SEMA5A: variants seen among roughly 807,000 people sequenced by gnomAD.
The protein encoded by SEMA5A is semaphorin-5A.
Under a neutral mutation model 135.5 loss-of-function variants are expected in SEMA5A, and 55 were observed. The observed-to-expected ratio is 0.41, with a 90% confidence interval of 0.33 to 0.51. SEMA5A has a LOEUF of 0.51. Among genes scored for constraint, SEMA5A ranks in the 20% least tolerant of loss-of-function variants. SEMA5A has a pLI of 0.37. For missense variants in SEMA5A, 1,290 were observed against 1,419.9 expected (o/e 0.91, Z 1.47); for synonymous variants, 580 against 546.5 (o/e 1.06, Z -0.85).
At chr5:9,217,090 T>C (rs1746672201) in intron 8 of SEMA5A, among the ~76,000 whole-genome samples, 1 of 152,208 alleles carries the variant, frequency 6.6e-6, no homozygotes, top group African/African-American at 2.4e-5. Flanking sequence ...GCTGCGTGTT[T>C]AAGGGTGGTT....
chr5:9,206,854 A>C (rs189134708), intron 8 of SEMA5A, among the ~76,000 whole-genome samples: 211 of 150,910 alleles, frequency 1.4e-3, no homozygotes, highest in Non-Finnish European at 1.7e-3. Context: ...CTGTTGTTGC[A>C]TCTGACAATC....
intron 1 of SEMA5A, among the ~76,000 whole-genome samples, chr5:9,488,058 C>T (rs889791309): frequency 2.4e-4 from 36 of 152,210 alleles, no homozygotes; most frequent in South Asian, 6.2e-4. Context: ...TTAAATCATA[C>T]GGGGATAGCT....
chr5:9,224,000 T>C (rs1056754831), intron 8 of SEMA5A, among the ~76,000 whole-genome samples: 2 of 152,284 alleles, frequency 1.3e-5, no homozygotes. Context: ...GGGATGTGGC[T>C]CTTCTTCGAG....
At chr5:9,443,344 G>A (rs1269221478) in intron 1 of SEMA5A, among the ~76,000 whole-genome samples, 1 of 152,122 alleles carries the variant, frequency 6.6e-6, no homozygotes, top group African/African-American at 2.4e-5. Flanking sequence ...AGCAGAGAGA[G>A]GGGAGAGGGG....
chr5:9,224,736 T>G lies in SEMA5A; in HGVS notation c.584A>C (p.Tyr195Ser). The G allele has an allele frequency of 6.2e-7, 1 of 1,614,050 alleles. No homozygotes were observed. The highest frequency in any genetic ancestry group is 8.5e-7 in the Non-Finnish European group (1 of 1,179,992). The change falls in exon 8 of 23, where the codon TAC becomes TCC. Residue 195 changes from tyrosine to serine, a missense_variant. By Grantham distance (144) the Tyr-to-Ser change is moderately radical. Around this residue, in one of 3 missense-constraint regions of SEMA5A, gnomAD observed 145 missense variants for 212.0 expected, o/e 0.68. Transcript: ENST00000382496. ...MDFPGRDPAI[Y>S]RSLGILPPLR... ...AGGAGGTAAAATGCCTAGGCTTCGG[T>G]AAATGGCAGGATCACGTCCTGGAAA...
chr5:9,519,317 T>C (rs569244825), intron 1 of SEMA5A, among the ~76,000 whole-genome samples: 2 of 152,358 alleles, frequency 1.3e-5, no homozygotes, highest in African/African-American at 2.4e-5. Context: ...ACATTGTTGA[T>C]GGATTGACCA....
chr5:9,413,824 C>A (rs1357739537), intron 2 of SEMA5A, among the ~76,000 whole-genome samples: 3 of 152,172 alleles, frequency 2.0e-5, no homozygotes, highest in African/African-American at 7.2e-5. Context: ...TAATAATGTA[C>A]ATGTTTCTGA....
intron 8 of SEMA5A, among the ~76,000 whole-genome samples, chr5:9,221,357 C>T (rs1351511241): frequency 1.5e-5 from 2 of 134,742 alleles, no homozygotes; most frequent in East Asian, 2.2e-4. Flanking sequence ...GGCTGGAGTG[C>T]AGTGGCGCGA....
rs138866488 is a variant in SEMA5A, at chr5:9,214,240, G to A, written c.646+10434C>T. On this transcript the variant is annotated intron_variant, in intron 8 of 22. Transcript: ENST00000382496. ...GCAGGAGCCAGGGCTGTAAAAACAGGCAGAGCCAGATCATAGCGGCCAGGC... is the reference window on the plus strand; with the variant it reads ...GCAGGAGCCAGGGCTGTAAAAACAGACAGAGCCAGATCATAGCGGCCAGGC... 8.5e-4 allele frequency among the ~76,000 whole-genome samples: 130 copies of A among 152,250 alleles called. 1 individual carries two copies. Among genetic ancestry groups the A allele is most frequent in the Non-Finnish European group, 1.6e-3 (110 of 68,026 alleles).
intron 3 of SEMA5A, among the ~76,000 whole-genome samples, chr5:9,375,361 G>T (rs568745155): frequency 1.4e-3 from 214 of 152,090 alleles, no homozygotes; most frequent in Non-Finnish European, 2.4e-3. Context: ...TATAAAAAGA[G>T]AAGACAAAAA....
intron 1 of SEMA5A, among the ~76,000 whole-genome samples, chr5:9,475,639 A>G (rs1219506708): frequency 6.6e-6 from 1 of 152,216 alleles, no homozygotes; most frequent in Non-Finnish European, 1.5e-5. Context: ...AATTGTCCTG[A>G]GCAACAAAGT....
At chr5:9,478,792 T>G (rs1759766134) in intron 1 of SEMA5A, among the ~76,000 whole-genome samples, 1 of 152,160 alleles carries the variant, frequency 6.6e-6, no homozygotes, top group Non-Finnish European at 1.5e-5. Flanking sequence ...ACTTATACTT[T>G]TGAGTTAATA....
intron 4 of SEMA5A, among the ~76,000 whole-genome samples, chr5:9,331,120 T>G (rs1176781011): frequency 6.6e-6 from 1 of 152,248 alleles, no homozygotes; most frequent in African/African-American, 2.4e-5. Context: ...GTGTGGCTAC[T>G]GGAAGCAGAA....
intron 11 of SEMA5A, among the ~76,000 whole-genome samples, chr5:9,169,729 T>C (rs1743809824): frequency 1.3e-5 from 2 of 152,180 alleles, no homozygotes; most frequent in Admixed American, 1.3e-4. Context: ...CTTCAGCTGC[T>C]TCATGACAAG....
intron 2 of SEMA5A, among the ~76,000 whole-genome samples, chr5:9,380,660 A>G (rs1176223474): frequency 2.6e-5 from 4 of 152,186 alleles, no homozygotes; most frequent in African/African-American, 9.7e-5. Context: ...TCGAGCACCT[A>G]CTGGGTGAAA....
In SEMA5A at chr5:9,464,148, T is replaced by C. The variant is rs139440221; in HGVS notation, c.-174-26296A>G. Among the ~76,000 whole-genome samples the C allele has an allele frequency of 8.0e-3, 1,213 of 152,208 alleles. 9 individuals are homozygous for C. The highest frequency in any genetic ancestry group is 0.031 in the Middle Eastern group (9 of 294). ...CCACCCTGAATGACAACACCAAAAA[T>C]ATCATTAGACATTGCCAAATGTCCC... On this transcript the variant is annotated intron_variant, in intron 1 of 22. Coordinates refer to ENST00000382496, the MANE Select transcript of SEMA5A (RefSeq NM_003966.3).
chr5:9,529,048 G>A (rs951238547), intron 1 of SEMA5A, among the ~76,000 whole-genome samples: 1 of 152,216 alleles, frequency 6.6e-6, no homozygotes, highest in South Asian at 2.1e-4. Flanking sequence ...CAGAAGAGCT[G>A]CCTTTTCTAT....
chr5:9,534,158 C>T (rs779298664), intron 1 of SEMA5A, among the ~76,000 whole-genome samples: 25 of 152,196 alleles, frequency 1.6e-4, no homozygotes, highest in Non-Finnish European at 3.2e-4. Context: ...ATTAAAGAAT[C>T]CACAAAGGCC....
At chr5:9,426,334 A>G (rs932037029) in intron 2 of SEMA5A, among the ~76,000 whole-genome samples, 2 of 151,784 alleles carry the variant, frequency 1.3e-5, no homozygotes, top group African/African-American at 4.8e-5. Context: ...CTGAGGCAGG[A>G]GAATGGCGTG....
Sources: allele counts gnomAD v4.1 joint callset (sites outside exome capture counted in the v4.1 genomes callset), GRCh38; gene constraint gnomAD v4.1.1; regional missense constraint gnomAD v4.1.1; transcripts MANE v1.5; gene names NCBI Gene and HGNC (gene_info 2026-07-23, HGNC 2026-07-21).